The following MTOR variants were observed in gnomAD, a reference collection of about 807,000 sequenced individuals.
MTOR encodes the protein mechanistic target of rapamycin kinase.
Under a neutral mutation model 319.8 loss-of-function variants are expected in MTOR, and 70 were observed. The observed-to-expected ratio is 0.22, with a 90% CI of 0.18 to 0.27. MTOR has a LOEUF of 0.27. Among genes scored for constraint, MTOR ranks in the 10% least tolerant of loss-of-function variants. The pLI is 1.00. For synonymous variants in MTOR, 1,183 were observed against 1,211.4 expected (o/e 0.98, Z 0.49); for missense variants, 1,890 against 3,274.4 (o/e 0.58, Z 10.32).
At chr1:11,189,593 C>A (rs991214760) in intron 28 of MTOR, 2 of 1,603,474 alleles carry the variant, frequency 1.2e-6, no homozygotes, top group South Asian at 1.1e-5. Context: ...CTGAAAAAGC[C>A]TCTCTCAGCT....
chr1:11,177,274 T>C (rs767425698), intron 28 of MTOR, among the ~76,000 whole-genome samples: 8 of 152,054 alleles, frequency 5.3e-5, no homozygotes, highest in Non-Finnish European at 1.2e-4. Flanking sequence ...ATAGGTTTCT[T>C]TGGCTAGGCG....
Position 11,129,743 on chromosome 1 carries a change from T to G in MTOR, c.5709A>C (p.Thr1903=), listed in dbSNP as rs1265696407. 1 of 1,613,748 alleles carries G rather than the reference T, an allele frequency of 6.2e-7. No homozygotes were observed. The highest frequency in any genetic ancestry group is 8.5e-7 in the Non-Finnish European group (1 of 1,179,642). ...SLSRGNNLQD[T]LRVLTLWFDY... Reference sequence around the variant, plus strand: ...ATCCTTCCCTTCTCTGATACCTGAGTGTATCCTGGAGGTTGTTGCCTCGTG... The same window carrying G: ...ATCCTTCCCTTCTCTGATACCTGAGGGTATCCTGGAGGTTGTTGCCTCGTG... The change falls in exon 40 of 58, where the codon ACA becomes ACC. Residue 1903 remains threonine, a synonymous_variant. Transcript: ENST00000361445. This position sits in a 1 kb window ranked among gnomAD's most constrained non-coding sequence, Gnocchi z 4.7.
Position 11,210,873 on chromosome 1 carries a change from G to C in MTOR, c.3595C>G (p.Leu1199Val), listed in dbSNP as rs199611325. The C allele has an allele frequency of 6.2e-6, 10 of 1,613,662 alleles. No individual in the cohort carries two copies. The highest frequency in any genetic ancestry group is 2.5e-6 in the Non-Finnish European group (3 of 1,179,862). The change falls in exon 24 of 58, where the codon CTG becomes GTG. Residue 1199 changes from leucine to valine, a missense_variant. Around this residue, in one of 15 missense-constraint regions of MTOR, gnomAD observed 115 missense variants for 105.7 expected, o/e 1.09. Coordinates refer to ENST00000361445, the MANE Select transcript of MTOR (RefSeq NM_004958.4). ...TGATGATTGATTCGGTGTCGCACCA[G>C]AACTTTATTCACCATTGGAATGAAA... ...QIFIPMVNKV[L>V]VRHRINHQRY...
chr1:11,223,797 T>G (rs1425570563), intron 19 of MTOR, among the ~76,000 whole-genome samples: 1 of 152,124 alleles, frequency 6.6e-6, no homozygotes, highest in Non-Finnish European at 1.5e-5. Flanking sequence ...CCCAGCACTT[T>G]GGGAGGCCGA....
At chr1:11,229,100 C>T (rs1360789680) in intron 18 of MTOR, among the ~76,000 whole-genome samples, 182 bp from the exon 19 acceptor site, 3 of 152,152 alleles carry the variant, frequency 2.0e-5, no homozygotes, top group Non-Finnish European at 4.4e-5. Context: ...CTCTCACCAT[C>T]AAGGAGTAAA....
intron 28 of MTOR, among the ~76,000 whole-genome samples, chr1:11,184,667 G>T (rs1469828191): frequency 6.6e-6 from 1 of 152,094 alleles, no homozygotes; most frequent in Non-Finnish European, 1.5e-5. Context: ...CGAGTTCCAG[G>T]TTTCAGTAAG....
intron 29 of MTOR, among the ~76,000 whole-genome samples, chr1:11,160,179 C>T (rs986707529): frequency 6.6e-6 from 1 of 151,984 alleles, no homozygotes; most frequent in Non-Finnish European, 1.5e-5. Flanking sequence ...CAGCTCACTG[C>T]AACCTCTGCC....
chr1:11,199,827 A>C lies in MTOR; in HGVS notation c.3945-124T>G. 1.1e-6 allele frequency: 1 copy of C among 903,790 alleles called. No homozygotes were observed. Among genetic ancestry groups the C allele is most frequent in the Non-Finnish European group, 1.7e-6 (1 of 599,006 alleles). 56.0% of individuals were successfully genotyped at this position (903,790 alleles called of 1,614,324 possible). A position where few individuals can be genotyped will look rare whatever the true frequency, so the allele number is the denominator to read the frequency against. On this transcript the variant is annotated intron_variant, in intron 26 of 57. Coordinates refer to ENST00000361445, the MANE Select transcript of MTOR (RefSeq NM_004958.4). The surrounding 1 kb of genome is among the most constrained non-coding windows in gnomAD (Gnocchi z 4.5). ...GGTTATACAAACCAGTGCTATACAG[A>C]CCAGTGCTGTCCAAGAGAATTTTCC...
chr1:11,242,034 A>G (rs1648109628), intron 9 of MTOR, among the ~76,000 whole-genome samples: 1 of 152,122 alleles, frequency 6.6e-6, no homozygotes. Context: ...CACAGCCATC[A>G]TATGGAAAGA....
chr1:11,231,248 T>G (rs962573134), intron 17 of MTOR, 52 bp downstream of exon 17: 21 of 1,609,946 alleles, frequency 1.3e-5, no homozygotes, highest in Non-Finnish European at 1.7e-5. Context: ...CATCTCTCTC[T>G]TGCCATCGTC....
rs773756865 is a variant in MTOR, at chr1:11,241,685, T to C, written c.1413-4A>G. The C allele has an allele frequency of 1.9e-6, 3 of 1,610,972 alleles. No homozygotes were observed. Among genetic ancestry groups the C allele is most frequent in the Admixed American group, 3.4e-5 (2 of 59,482 alleles). On this transcript the variant is annotated splice_region_variant and splice_polypyrimidine_tract_variant and intron_variant, in intron 9 of 57. Coordinates refer to ENST00000361445, the MANE Select transcript of MTOR (RefSeq NM_004958.4). ...CACCTGCATTGCCTTCTGCCTCCTG[T>C]AGAGAAATGGAGAGTGGCTAGTTGA...
At chr1:11,145,184 AT>A in intron 32 of MTOR, 139 bp from the exon 33 acceptor site, 2 of 714,884 alleles carry the variant, frequency 2.8e-6, no homozygotes, top group Non-Finnish European at 2.4e-6. Flanking sequence ...GAAGAAGGGC[AT>A]TTTCCCAGAA....
At chr1:11,117,465 C>T (rs1039913092) in intron 49 of MTOR, among the ~76,000 whole-genome samples, 41 of 152,168 alleles carry the variant, frequency 2.7e-4, no homozygotes, top group African/African-American at 9.9e-4. Context: ...CTGGCCTAAT[C>T]AGTTGTTTTC....
At chr1:11,223,596 A>G (rs1646736837) in intron 19 of MTOR, among the ~76,000 whole-genome samples, 1 of 152,210 alleles carries the variant, frequency 6.6e-6, no homozygotes, top group Non-Finnish European at 1.5e-5. Flanking sequence ...GTCTATTACA[A>G]AATGTTAAGA....
chr1:11,119,202 G>C (rs1191974737), intron 49 of MTOR, among the ~76,000 whole-genome samples: 1 of 151,926 alleles, frequency 6.6e-6, no homozygotes, highest in Non-Finnish European at 1.5e-5. Flanking sequence ...AGGCTGAGAA[G>C]GGCGGATAAC....
chr1:11,137,208 G>A (rs1242864182), intron 36 of MTOR, among the ~76,000 whole-genome samples: 2 of 136,584 alleles, frequency 1.5e-5, no homozygotes, highest in African/African-American at 2.6e-5. Flanking sequence ...AAACTCAATC[G>A]CCAAAAAGGT....
Position 11,107,056 on chromosome 1 carries a change from T to A in MTOR, c.*429A>T. ...GTGTCTTTACAGTCTAGGATCCTAA[T>A]CCATGTTCTCCACGACCTGAGGCTT... On this transcript the variant is annotated 3_prime_UTR_variant, in exon 58 of 58. Coordinates refer to ENST00000361445, the MANE Select transcript of MTOR (RefSeq NM_004958.4). 1 of 1,371,982 alleles carries A rather than the reference T, an allele frequency of 7.3e-7. No individual in the cohort carries two copies. Among genetic ancestry groups the A allele is most frequent in the Non-Finnish European group, 9.6e-7 (1 of 1,039,754 alleles). 85.0% of individuals were successfully genotyped at this position (1,371,982 alleles called of 1,614,324 possible). A position where few individuals can be genotyped will look rare whatever the true frequency, so the allele number is the denominator to read the frequency against.
At position 11,214,196 on chromosome 1, in the gene MTOR, T is replaced by A. The variant is rs186931471; in HGVS notation, c.3118-630A>T. On this transcript the variant is annotated intron_variant, in intron 20 of 57. Coordinates refer to ENST00000361445, the MANE Select transcript of MTOR (RefSeq NM_004958.4). The stretch of plus-strand genomic sequence containing the variant: ...TGACTCCAGTATTACAAATATTTCC[T>A]GGCTTTTCTGGATTTAGATTTTGCT... 1.6e-3 allele frequency among the ~76,000 whole-genome samples: 242 copies of A among 152,366 alleles called. 2 individuals are homozygous for A. Among genetic ancestry groups the A allele is most frequent in the African/African-American group, 5.4e-3 (225 of 41,592 alleles).
chr1:11,163,220 C>A (rs1644534231), intron 29 of MTOR, among the ~76,000 whole-genome samples: 3 of 152,160 alleles, frequency 2.0e-5, no homozygotes, highest in Non-Finnish European at 4.4e-5. Context: ...GGGATCAATT[C>A]AACAAGAAGA....
Sources: gnomAD v4.1 joint callset for allele counts (sites outside exome capture counted in the v4.1 genomes callset) on GRCh38, gnomAD v4.1.1 for gene constraint, gnomAD v4.1.1 regional missense constraint, Gnocchi (gnomAD v3.1) non-coding constraint, MANE v1.5 for transcripts, NCBI Gene and HGNC (gene_info 2026-07-23, HGNC 2026-07-21) for gene names.